ZFAND6: variants seen among roughly 807,000 people sequenced by gnomAD.
ZFAND6 encodes the protein AN1-type zinc finger protein 6.
ZFAND6 carries 12 observed loss-of-function variants against 24.5 expected under a neutral mutation model. That is an observed-to-expected ratio of 0.49 (90% CI 0.31 to 0.79). The LOEUF is 0.79. Ranked by LOEUF, ZFAND6 falls within the 30% of genes least tolerant of loss-of-function variation. The pLI is 0.04. For synonymous variants in ZFAND6, 92 were observed against 81.5 expected (o/e 1.13, Z -0.69); for missense variants, 207 against 245.9 (o/e 0.84, Z 1.06).
chr15:80,062,368 T>A (rs2036381526), intron 1 of ZFAND6, among the ~76,000 whole-genome samples: 1 of 152,218 alleles, frequency 6.6e-6, no homozygotes, highest in Non-Finnish European at 1.5e-5. Context: ...TGTGTGGTGG[T>A]TCAGGATTTG....
chr15:80,066,175 A>G (rs1416773512), intron 1 of ZFAND6, among the ~76,000 whole-genome samples: 3 of 152,158 alleles, frequency 2.0e-5, no homozygotes, highest in Admixed American at 2.0e-4. Context: ...TCAGATTTCG[A>G]CAAGTGTCTA....
chr15:80,126,171 C>T (rs71397595), intron 5 of ZFAND6, among the ~76,000 whole-genome samples: 9,322 of 152,246 alleles, frequency 0.061, 377 homozygotes, highest in East Asian at 0.19. Flanking sequence ...CAGGCTCTTT[C>T]CTACTCTGAG....
In ZFAND6 at chr15:80,073,509, C is replaced by T. The variant is rs2037094475; in HGVS notation, c.-181+13700C>T. 2.0e-5 allele frequency among the ~76,000 whole-genome samples: 3 copies of T among 151,880 alleles called. No individual in the cohort carries two copies. In the South Asian group the frequency reaches 6.2e-4, roughly 31 times the overall value. On this transcript the variant is annotated intron_variant, in intron 1 of 6. Coordinates refer to ENST00000261749, the MANE Select transcript of ZFAND6 (RefSeq NM_019006.4). The stretch of plus-strand genomic sequence containing the variant: ...TGCAATAATCATTGCAATAATCAGA[C>T]CAAAAGCCAGCTAAGCATTTTCAGC...
At chr15:80,099,377 T>C (rs1336837500) in intron 2 of ZFAND6, among the ~76,000 whole-genome samples, 1 of 152,240 alleles carries the variant, frequency 6.6e-6, no homozygotes, top group African/African-American at 2.4e-5. Context: ...GATTAAAATG[T>C]ACAGCATTGT....
rs1798605160 is a variant in ZFAND6 at position 80,110,619 on chromosome 15, AC to A, written c.-17-9708del. On this transcript the variant is annotated intron_variant, in intron 2 of 6. Transcript: ENST00000261749. ...AAACTGATACTAGATATCAAAAAAA[AC>A]TGTATAATTTAGAATAGGATAGAGA... 2.0e-5 allele frequency among the ~76,000 whole-genome samples: 3 copies of A among 151,984 alleles called. No individual in the cohort carries two copies. The South Asian group carries it at 6.2e-4, about 32-fold the overall frequency.
rs201923212 is a variant in ZFAND6 at position 80,121,810 on chromosome 15, A to T, written c.253A>T (p.Met85Leu). The change falls in exon 4 of 7, where the codon ATG becomes TTG. Residue 85 changes from methionine (M) to leucine (L), a missense_variant. This residue lies in a region of ZFAND6 where 133 missense variants were observed against 122.8 expected (regional missense o/e 1.08). Transcript: ENST00000261749. ...AGCATTAGACTCTACATCTTCATCTATGCAGCCCAGGTAAGATGTACTCTC... is the reference window on the plus strand; with the variant it reads ...AGCATTAGACTCTACATCTTCATCTTTGCAGCCCAGGTAAGATGTACTCTC... The part of the protein sequence containing the change: ...QSALDSTSSS[M>L]QPSPVSNQSL... 3 of 1,612,792 alleles carry T rather than the reference A, an allele frequency of 1.9e-6. No homozygotes were observed. In the South Asian group the frequency reaches 3.3e-5, roughly 18 times the overall value.
At position 80,137,918 on chromosome 15, in the gene ZFAND6, G is replaced by T; in HGVS notation, c.*290G>T. The T allele has an allele frequency of 4.1e-6, 1 of 243,034 alleles. No homozygotes were observed. The highest frequency in any genetic ancestry group is 7.8e-6 in the Non-Finnish European group (1 of 127,576). The allele number at this position is 243,034 out of a possible 1,614,324, so 15.1% of individuals were successfully genotyped here. On this transcript the variant is annotated 3_prime_UTR_variant, in exon 7 of 7. Coordinates refer to ENST00000261749, the MANE Select transcript of ZFAND6 (RefSeq NM_019006.4). The stretch of plus-strand genomic sequence containing the variant: ...ACGTGCAGAAATTTTGGAGGGCTGT[G>T]ATTTTTCCAGTATTAAACATGCATG...
At chr15:80,093,941 TATC>T (rs1391062154) in intron 1 of ZFAND6, among the ~76,000 whole-genome samples, 13 of 152,182 alleles carry the variant, frequency 8.5e-5, no homozygotes, top group Non-Finnish European at 1.5e-4. Flanking sequence ...AGTCATACCT[TATC>T]ATCAGTGGAA....
chr15:80,118,240 A>G (rs2039982683), intron 2 of ZFAND6, among the ~76,000 whole-genome samples: 1 of 152,094 alleles, frequency 6.6e-6, no homozygotes, highest in South Asian at 2.1e-4. Flanking sequence ...CTCCTGCCTC[A>G]GCCTCCCAAG....
chr15:80,095,078 G>A (rs561493737), intron 1 of ZFAND6, among the ~76,000 whole-genome samples: 24 of 151,558 alleles, frequency 1.6e-4, no homozygotes, highest in African/African-American at 5.4e-4. Flanking sequence ...ATTCTTTAGG[G>A]ATTTTTTTTT....
rs191769115 is a variant in ZFAND6, at chr15:80,090,340, G to A, written c.-180-8076G>A. Reference sequence around the variant, plus strand: ...AGCATGTTCAGGTGCTTGAGCTTTGGAGTCAGACTCTCTGGGTTCAAATCC... The same window carrying A: ...AGCATGTTCAGGTGCTTGAGCTTTGAAGTCAGACTCTCTGGGTTCAAATCC... On this transcript the variant is annotated intron_variant, in intron 1 of 6. Coordinates refer to ENST00000261749, the MANE Select transcript of ZFAND6 (RefSeq NM_019006.4). 7.9e-5 allele frequency among the ~76,000 whole-genome samples: 12 copies of A among 152,232 alleles called. No homozygotes were observed. In the East Asian group the frequency reaches 1.9e-3, roughly 24 times the overall value.
At chr15:80,126,210 G>A (rs771960489) in intron 5 of ZFAND6, among the ~76,000 whole-genome samples, 29 of 152,190 alleles carry the variant, frequency 1.9e-4, no homozygotes, top group Non-Finnish European at 3.1e-4. Context: ...AAGTTGAATT[G>A]TCAAATCATT....
intron 1 of ZFAND6, among the ~76,000 whole-genome samples, chr15:80,062,404 AG>A (rs1455612709): frequency 2.0e-5 from 3 of 152,172 alleles, no homozygotes; most frequent in African/African-American, 7.2e-5. Context: ...AATATGTTTT[AG>A]ATTAGAGAAT....
At chr15:80,076,122 C>G (rs772992224) in intron 1 of ZFAND6, among the ~76,000 whole-genome samples, 6 of 152,144 alleles carry the variant, frequency 3.9e-5, no homozygotes, top group Non-Finnish European at 8.8e-5. Context: ...TAACTCTTCT[C>G]TAGACTTCCC....
chr15:80,122,843 T>C (rs2040206137), intron 5 of ZFAND6, 43 bp downstream of exon 5: 2 of 1,504,892 alleles, frequency 1.3e-6, no homozygotes, highest in Admixed American at 3.4e-5. Flanking sequence ...TTGAGTATTA[T>C]AGGCCAGACA....
At chr15:80,135,857 G>A (rs546031040) in intron 6 of ZFAND6, among the ~76,000 whole-genome samples, 2 of 152,360 alleles carry the variant, frequency 1.3e-5, no homozygotes, top group South Asian at 2.1e-4. Flanking sequence ...CCAGTGCAGT[G>A]TCTCACACCT....
chr15:80,073,623 G>C (rs569318884), intron 1 of ZFAND6, among the ~76,000 whole-genome samples: 1 of 152,002 alleles, frequency 6.6e-6, no homozygotes, highest in East Asian at 1.9e-4. Flanking sequence ...AAACAATAGT[G>C]TAATAATAAT....
intron 1 of ZFAND6, chr15:80,073,265 G>A: frequency 3.3e-6 from 1 of 300,438 alleles, no homozygotes; most frequent in African/African-American, 2.3e-5. Context: ...TTCTTTCAAA[G>A]GTGGAGATAA....
At chr15:80,124,899 T>A (rs1206749826) in intron 5 of ZFAND6, among the ~76,000 whole-genome samples, 3 of 152,294 alleles carry the variant, frequency 2.0e-5, no homozygotes, top group South Asian at 2.1e-4. Context: ...TTAAAAAAAA[T>A]TTAACATATT....
Sources: allele counts gnomAD v4.1 joint callset (sites outside exome capture counted in the v4.1 genomes callset), GRCh38; gene constraint gnomAD v4.1.1; regional missense constraint gnomAD v4.1.1; transcripts MANE v1.5; gene names NCBI Gene and HGNC (gene_info 2026-07-23, HGNC 2026-07-21).